Variants in ATP6V0B observed in about 807,000 individuals in gnomAD.
ATP6V0B encodes the protein ATPase H+ transporting V0 subunit b.
A neutral mutation model predicts 26.2 loss-of-function variants in ATP6V0B; 4 were observed. The ratio of observed to expected loss-of-function variants is 0.15; its 90% CI spans 0.08 to 0.35. The LOEUF is 0.35. ATP6V0B is among the 10% of genes least tolerant of loss of function. ATP6V0B has a pLI of 1.00. For synonymous variants in ATP6V0B, 110 were observed against 105.8 expected, an observed-to-expected ratio of 1.04 and a Z score of -0.24; for missense variants, 175 against 272.5, an observed-to-expected ratio of 0.64 and a Z score of 2.52.
intron 2 of ATP6V0B, 101 bp from the exon 3 acceptor site, chr1:43,975,989 G>A: frequency 6.6e-7 from 1 of 1,525,326 alleles, no homozygotes; most frequent in Non-Finnish European, 9.1e-7. Flanking sequence ...GTTGTTGCCT[G>A]TAGAACTGGT....
chr1:43,975,742 G>A (rs1197714613), intron 1 of ATP6V0B, 58 bp from the exon 2 acceptor site: 1 of 1,585,184 alleles, frequency 6.3e-7, no homozygotes, highest in Non-Finnish European at 8.6e-7. Flanking sequence ...ACTTTAGGTT[G>A]AAGAACTTCT....
Position 43,976,905 on chromosome 1 carries a change from AT to A in ATP6V0B, c.400+85del. 6.2e-7 allele frequency: 1 copy of A among 1,604,096 alleles called. No homozygotes were observed. Among genetic ancestry groups the A allele is most frequent in the Non-Finnish European group, 8.5e-7 (1 of 1,171,444 alleles). ...CTCCCCCATCCCAGCTTGGGCCATC[AT>A]TTTGATATTCTCTCACCTACTTTTT... On this transcript the variant is annotated intron_variant, in intron 6 of 7. Transcript: ENST00000472174. The surrounding 1 kb of genome is among the most constrained non-coding windows in gnomAD (Gnocchi z 4.6).
chr1:43,976,100 G>C lies in ATP6V0B; in HGVS notation c.127G>C (p.Glu43Gln), dbSNP rs1421053767. The C allele has an allele frequency of 6.2e-7, 1 of 1,614,082 alleles. No individual in the cohort carries two copies. Among genetic ancestry groups the C allele is most frequent in the South Asian group, 1.1e-5 (1 of 91,076 alleles). The change falls in exon 3 of 8, where the codon GAG (glutamate) becomes CAG (glutamine). Residue 43 changes from glutamate to glutamine, a missense_variant. Glu to Gln is a conservative substitution (Grantham distance 29). Transcript: ENST00000472174. This position sits in a 1 kb window ranked among gnomAD's most constrained non-coding sequence, Gnocchi z 4.6. ...FRFDVAWFLT[E>Q]TSPFMWSNLG... Reference sequence around the variant, plus strand: ...CTGCTTCCACAACAGGTTCCTGACGGAGACTTCGCCCTTCATGTGGTCCAA... The same window carrying C: ...CTGCTTCCACAACAGGTTCCTGACGCAGACTTCGCCCTTCATGTGGTCCAA...
At position 43,978,137 on chromosome 1, in the gene ATP6V0B, C is replaced by T. The variant is rs541613912; in HGVS notation, c.*130C>T. The T allele has an allele frequency of 1.3e-4, 181 of 1,372,834 alleles. No homozygotes were observed. The highest frequency in any genetic ancestry group is 2.7e-4 in the Admixed American group (16 of 58,762). 85.0% of individuals were successfully genotyped at this position (1,372,834 alleles called of 1,614,324 possible). ...CCCTCCCTGCACTCCCCTCTTGCTGCGTGTTGATTTGGAGGCACTGCAGTC... is the reference window on the plus strand; with the variant it reads ...CCCTCCCTGCACTCCCCTCTTGCTGTGTGTTGATTTGGAGGCACTGCAGTC... On this transcript the variant is annotated 3_prime_UTR_variant, in exon 8 of 8. Coordinates refer to ENST00000472174, the MANE Select transcript of ATP6V0B (RefSeq NM_004047.5).
Position 43,975,027 on chromosome 1 carries a change from C to T in ATP6V0B, c.-14C>T, listed in dbSNP as rs2085501164. The T allele has an allele frequency of 2.4e-6, 3 of 1,268,188 alleles. No homozygotes were observed. Among genetic ancestry groups the T allele is most frequent in the Admixed American group, 4.2e-5 (1 of 24,056 alleles). 78.6% of individuals were successfully genotyped at this position (1,268,188 alleles called of 1,614,324 possible). A position where few individuals can be genotyped will look rare whatever the true frequency, so the allele number is the denominator to read the frequency against. ...TCCGGCCCCGCCGTTCCGACCCCCG[C>T]CGCCGTCGCCGCCATGACGGGGCTA... On this transcript the variant is annotated 5_prime_UTR_variant, in exon 1 of 8. Transcript: ENST00000472174.
At position 43,976,642 on chromosome 1, in the gene ATP6V0B, A is replaced by G. The variant is rs779356770; in HGVS notation, c.331A>G (p.Ile111Val). 6.2e-7 allele frequency: 1 copy of G among 1,614,222 alleles called. No individual in the cohort carries two copies. Among genetic ancestry groups the G allele is most frequent in the South Asian group, 1.1e-5 (1 of 91,084 alleles). Reference protein sequence around the residue: ...AIYGIIMAIVISNMAEPFSAT... With the variant: ...AIYGIIMAIVVSNMAEPFSAT... ...CTACGGCATCATCATGGCAATTGTC[A>G]TTAGCAACATGGCTGAGGTATGGAA... Residue 111 changes from isoleucine to valine, a missense_variant, in exon 5 of 8, where the codon ATT (isoleucine) becomes GTT (valine). Around this residue, in one of 3 missense-constraint regions of ATP6V0B, gnomAD observed 97 missense variants for 158.0 expected, o/e 0.61. Transcript: ENST00000472174. The surrounding 1 kb of genome is among the most constrained non-coding windows in gnomAD (Gnocchi z 4.6).
chr1:43,978,037 C>T lies in ATP6V0B; in HGVS notation c.*30C>T. On this transcript the variant is annotated 3_prime_UTR_variant, in exon 8 of 8. Transcript: ENST00000472174. ...TATGTGTGGGTGGGGCCGTGCCTCA[C>T]TTTTATTTATTGCTGGTTTTCCTGG... The T allele has an allele frequency of 6.2e-7, 1 of 1,614,166 alleles. No homozygotes were observed.
Position 43,976,760 on chromosome 1 carries a change from C to A in ATP6V0B, c.349-13C>A, listed in dbSNP as rs1242636206. 9.3e-6 allele frequency: 15 copies of A among 1,614,038 alleles called. No individual in the cohort carries two copies. The highest frequency in any genetic ancestry group is 1.2e-5 in the Non-Finnish European group (14 of 1,180,030). ...ATCAGGATGGTTTCTGATTACTTTTCTTCTTCCCTCAGCCTTTCAGTGCCA... is the reference window on the plus strand; with the variant it reads ...ATCAGGATGGTTTCTGATTACTTTTATTCTTCCCTCAGCCTTTCAGTGCCA... On this transcript the variant is annotated splice_polypyrimidine_tract_variant and intron_variant, in intron 5 of 7. Transcript: ENST00000472174. The surrounding 1 kb of genome is among the most constrained non-coding windows in gnomAD (Gnocchi z 4.6).
chr1:43,977,871 C>G, intron 7 of ATP6V0B, 110 bp from the exon 8 acceptor site: 1 of 1,611,452 alleles, frequency 6.2e-7, no homozygotes, highest in Non-Finnish European at 8.5e-7. Flanking sequence ...AGTCATATAT[C>G]TCTTGTGGTC....
chr1:43,975,679 G>A (rs748774333), intron 1 of ATP6V0B, 121 bp from the exon 2 acceptor site: 61 of 1,085,530 alleles, frequency 5.6e-5, no homozygotes, highest in Non-Finnish European at 8.3e-5. Context: ...ACTGTCACCT[G>A]GGGGCAGCCT....
intron 7 of ATP6V0B, 150 bp from the exon 8 acceptor site, chr1:43,977,831 C>CAGGCGCAGTGCGCCGATCAGGGCGTAGT: frequency 6.3e-7 from 1 of 1,584,274 alleles, no homozygotes. Flanking sequence ...CCCTGTCTGC[C>CAGGCGCAGTGCGCCGATCAGGGCGTAGT]TTGTCTGTCA....
Position 43,976,743 on chromosome 1 carries a change from G to A in ATP6V0B, c.349-30G>A, listed in dbSNP as rs1401255370. 1 of 1,613,950 alleles carries A rather than the reference G, an allele frequency of 6.2e-7. No homozygotes were observed. Among genetic ancestry groups the A allele is most frequent in the South Asian group, 1.1e-5 (1 of 91,046 alleles). ...GAGATTGGATGGGGTGCATCAGGATGGTTTCTGATTACTTTTCTTCTTCCC... is the reference window on the plus strand; with the variant it reads ...GAGATTGGATGGGGTGCATCAGGATAGTTTCTGATTACTTTTCTTCTTCCC... On this transcript the variant is annotated intron_variant, in intron 5 of 7. Transcript: ENST00000472174. The surrounding 1 kb of genome is among the most constrained non-coding windows in gnomAD (Gnocchi z 4.6).
At chr1:43,975,589 T>C (rs919911026) in intron 1 of ATP6V0B, 1 of 631,776 alleles carries the variant, frequency 1.6e-6, no homozygotes, top group Non-Finnish European at 2.8e-6. Flanking sequence ...CCTGCGCAGG[T>C]GCTTGGTCTG....
Position 43,976,268 on chromosome 1 carries a change from G to C in ATP6V0B, c.201-34G>C, listed in dbSNP as rs776757840. 1 of 1,611,806 alleles carries C rather than the reference G, an allele frequency of 6.2e-7. No individual in the cohort carries two copies. Among genetic ancestry groups the C allele is most frequent in the Non-Finnish European group, 8.5e-7 (1 of 1,178,140 alleles). On this transcript the variant is annotated intron_variant, in intron 3 of 7. Coordinates refer to ENST00000472174, the MANE Select transcript of ATP6V0B (RefSeq NM_004047.5). This position sits in a 1 kb window ranked among gnomAD's most constrained non-coding sequence, Gnocchi z 4.6. The stretch of plus-strand genomic sequence containing the variant: ...GCATGCTGAGGGCAGTGACAGCTTG[G>C]GCTCTGCTCATCAGTTTTTTATCCT...
At chr1:43,975,568 T>C in intron 1 of ATP6V0B, 1 of 591,770 alleles carries the variant, frequency 1.7e-6, no homozygotes. Flanking sequence ...GGCTTGCGGG[T>C]GGCGACCCTG....
rs1000269994 is a variant in ATP6V0B, at chr1:43,977,069, C to T, written c.444C>T (p.Asn148=). ...CTGGCCTCACCGTAGGCCTGTCTAA[C>T]CTCTTCTGTGGAGTCTGCGTGGGCA... ...FGAGLTVGLS[N]LFCGVCVGIV... is the part of the protein sequence containing the mutation. The change falls in exon 7 of 8, where the codon AAC becomes AAT. Residue 148 remains asparagine, a synonymous_variant. Transcript: ENST00000472174. 3 of 1,613,184 alleles carry T rather than the reference C, an allele frequency of 1.9e-6. No homozygotes were observed. The highest frequency in any genetic ancestry group is 1.7e-5 in the Admixed American group (1 of 59,952).
chr1:43,975,910 C>T (rs921351139), intron 2 of ATP6V0B, 62 bp downstream of exon 2: 2 of 1,539,682 alleles, frequency 1.3e-6, no homozygotes, highest in Admixed American at 1.9e-5. Flanking sequence ...CTCTTCTTTT[C>T]TCTGGTCTGA....
rs921466399 is a variant in ATP6V0B at position 43,976,428 on chromosome 1, C to T, written c.278+49C>T. 5.7e-6 allele frequency: 9 copies of T among 1,569,968 alleles called. No individual in the cohort carries two copies. The highest frequency in any genetic ancestry group is 7.0e-6 in the Non-Finnish European group (8 of 1,147,394). ...TTTGTCAGAACCAGCTGTGTTGGCGCTGCCTGTGTGTTTGATCTGACATAC... is the reference window on the plus strand; with the variant it reads ...TTTGTCAGAACCAGCTGTGTTGGCGTTGCCTGTGTGTTTGATCTGACATAC... On this transcript the variant is annotated intron_variant, in intron 4 of 7. Coordinates refer to ENST00000472174, the MANE Select transcript of ATP6V0B (RefSeq NM_004047.5). The surrounding 1 kb of genome is among the most constrained non-coding windows in gnomAD (Gnocchi z 4.6).
intron 2 of ATP6V0B, 119 bp downstream of exon 2, chr1:43,975,967 A>G: frequency 6.6e-7 from 1 of 1,513,352 alleles, no homozygotes; most frequent in Non-Finnish European, 9.1e-7. Flanking sequence ...ACCTTTGGGA[A>G]ATACGCGGTC....
Sources: allele counts gnomAD v4.1 joint callset, GRCh38; gene constraint gnomAD v4.1.1; regional missense constraint gnomAD v4.1.1; non-coding constraint Gnocchi (gnomAD v3.1); transcripts MANE v1.5; gene names NCBI Gene and HGNC (gene_info 2026-07-23, HGNC 2026-07-21).